Variants in ARHGAP26 observed in about 807,000 individuals in gnomAD.
ARHGAP26 encodes the protein Rho GTPase activating protein 26.
ARHGAP26 carries 38 observed loss-of-function variants against 104.8 expected under a neutral mutation model. That is an observed-to-expected ratio of 0.36 (90% CI 0.28 to 0.48). ARHGAP26 has a LOEUF of 0.48. Ranked by LOEUF, ARHGAP26 falls within the 20% of genes least tolerant of loss-of-function variation. The pLI is 0.99. For synonymous variants in ARHGAP26, 341 were observed against 340.0 expected (o/e 1.00, Z -0.03); for missense variants, 704 against 947.9 (o/e 0.74, Z 3.38).
Position 143,147,264 on chromosome 5 carries a change from T to A in ARHGAP26, c.1871T>A (p.Leu624Ter), listed in dbSNP as rs1799281439. The A allele has an allele frequency of 1.2e-6, 2 of 1,614,072 alleles. No individual in the cohort carries two copies. Among genetic ancestry groups the A allele is most frequent in the Non-Finnish European group, 1.7e-6 (2 of 1,179,960 alleles). Residue 624 changes from leucine (L) to a stop codon, truncating the protein, a stop_gained, in exon 20 of 23, where the codon TTG becomes TAG. Transcript: ENST00000645722. LOFTEE classifies it high-confidence loss of function. ...AGGAACAGCATCATCAACTCCAGTT[T>A]GGAATCTGTCTCATCAAATCCAAAC... ...EQRNSIINSS[L>*]ESVSSNPNSI... is the part of the protein sequence containing the mutation.
At chr5:143,163,781 C>T (rs182027578) in intron 20 of ARHGAP26, among the ~76,000 whole-genome samples, 468 of 152,178 alleles carry the variant, frequency 3.1e-3, no homozygotes, top group Middle Eastern at 6.8e-3. Flanking sequence ...CATCTTTTTT[C>T]TCTTGTTCTC....
intron 20 of ARHGAP26, among the ~76,000 whole-genome samples, chr5:143,174,748 G>A (rs1803247165): frequency 6.6e-6 from 1 of 152,132 alleles, no homozygotes; most frequent in Admixed American, 6.5e-5. Flanking sequence ...TCTATAAGCA[G>A]GCAACTTTTT....
At position 142,903,762 on chromosome 5, in the gene ARHGAP26, A is replaced by T. The variant is rs749086101; in HGVS notation, c.832+93A>T. On this transcript the variant is annotated intron_variant, in intron 8 of 22. Coordinates refer to ENST00000645722, the MANE Select transcript of ARHGAP26 (RefSeq NM_001135608.3). ...TTCAGCAGTGCCTACCTTACTGTAG[A>T]TACATGCTTGGATAACAAGAACAAT... is the stretch of plus-strand genomic sequence containing the variant. 11 of 1,315,480 alleles carry T rather than the reference A, an allele frequency of 8.4e-6. No individual in the cohort carries two copies. In the East Asian group the frequency reaches 2.8e-4, roughly 34 times the overall value. The allele number at this position is 1,315,480 out of a possible 1,614,324, so 81.5% of individuals were successfully genotyped here.
intron 12 of ARHGAP26, among the ~76,000 whole-genome samples, chr5:143,016,120 G>C (rs1779548222): frequency 6.6e-6 from 1 of 152,222 alleles, no homozygotes; most frequent in South Asian, 2.1e-4. Flanking sequence ...GAAAGAACCA[G>C]AGAGGGCTGG....
intron 1 of ARHGAP26, among the ~76,000 whole-genome samples, chr5:142,860,987 C>A (rs1753216250): frequency 6.6e-6 from 1 of 152,222 alleles, no homozygotes; most frequent in Non-Finnish European, 1.5e-5. Context: ...AGGGCTCTTG[C>A]AACACCTATT....
intron 1 of ARHGAP26, among the ~76,000 whole-genome samples, chr5:142,809,561 C>A (rs1013027858): frequency 5.3e-5 from 8 of 152,332 alleles, no homozygotes; most frequent in Admixed American, 2.0e-4. Flanking sequence ...AAAAGTCCTG[C>A]AGTTAATCCA....
At chr5:143,187,165 G>C (rs1805276516) in intron 20 of ARHGAP26, among the ~76,000 whole-genome samples, 3 of 152,092 alleles carry the variant, frequency 2.0e-5, no homozygotes, top group Admixed American at 6.6e-5. Context: ...AGAAAATGAG[G>C]GACACAGAGG....
chr5:143,008,378 C>T (rs1778275299), intron 11 of ARHGAP26, among the ~76,000 whole-genome samples: 1 of 152,196 alleles, frequency 6.6e-6, no homozygotes, highest in East Asian at 1.9e-4. Flanking sequence ...TGTTTTGATT[C>T]TAGTGATGGT....
intron 14 of ARHGAP26, among the ~76,000 whole-genome samples, chr5:143,044,170 A>G (rs1783883843): frequency 6.6e-6 from 1 of 152,194 alleles, no homozygotes; most frequent in South Asian, 2.1e-4. Context: ...TGTCAAGAAG[A>G]CAATTCAGAA....
chr5:142,911,191 G>A (rs915725634), intron 9 of ARHGAP26, among the ~76,000 whole-genome samples: 3 of 152,116 alleles, frequency 2.0e-5, no homozygotes, highest in African/African-American at 7.2e-5. Flanking sequence ...GCCCAAAACC[G>A]ATCCTATCCC....
At chr5:142,913,808 G>A (rs917724132) in intron 10 of ARHGAP26, among the ~76,000 whole-genome samples, 1 of 152,154 alleles carries the variant, frequency 6.6e-6, no homozygotes, top group Admixed American at 6.5e-5. Flanking sequence ...CAAACCACTC[G>A]TGAAATCACA....
Position 142,923,857 on chromosome 5 carries a change from CTTTTTTTT to C in ARHGAP26, c.1029-8175_1029-8168del, listed in dbSNP as rs11389284. On this transcript the variant is annotated intron_variant, in intron 10 of 22. Coordinates refer to ENST00000645722, the MANE Select transcript of ARHGAP26 (RefSeq NM_001135608.3). The stretch of plus-strand genomic sequence containing the variant: ...TTCATTCATTTATTAGGATCAGATC[CTTTTTTTT>C]TTTTTTTTTTTTTTGATACGGAGTC... Among the ~76,000 whole-genome samples the C allele has an allele frequency of 2.8e-5, 3 of 105,870 alleles. No homozygotes were observed. In the East Asian group the frequency reaches 9.1e-4, roughly 32 times the overall value. 69.5% of individuals were successfully genotyped at this position (105,870 alleles called of 152,430 possible).
chr5:142,822,003 A>G (rs866684710), intron 1 of ARHGAP26, among the ~76,000 whole-genome samples: 1 of 152,226 alleles, frequency 6.6e-6, no homozygotes, highest in Admixed American at 6.5e-5. Context: ...GAGATGACAA[A>G]CTATTAACCT....
intron 1 of ARHGAP26, among the ~76,000 whole-genome samples, chr5:142,774,004 TAA>T (rs1449974561): frequency 2.0e-5 from 3 of 152,238 alleles, no homozygotes; most frequent in Non-Finnish European, 4.4e-5. Context: ...TTGAATGGCA[TAA>T]ACTCTCAAAG....
At chr5:142,949,241 G>C (rs1409156964) in intron 11 of ARHGAP26, among the ~76,000 whole-genome samples, 1 of 129,966 alleles carries the variant, frequency 7.7e-6, no homozygotes, top group African/African-American at 2.9e-5. Flanking sequence ...AGGAGAGAGA[G>C]AGAGAGAGAG....
intron 20 of ARHGAP26, among the ~76,000 whole-genome samples, chr5:143,185,225 T>C (rs1284388461): frequency 6.6e-6 from 1 of 152,196 alleles, no homozygotes; most frequent in African/African-American, 2.4e-5. Context: ...ATGCACAAGA[T>C]GAAATATGTA....
chr5:142,966,700 A>C (rs992971677), intron 11 of ARHGAP26, among the ~76,000 whole-genome samples: 9 of 152,222 alleles, frequency 5.9e-5, no homozygotes, highest in Non-Finnish European at 7.3e-5. Context: ...ATACAGGAAA[A>C]TCGTTCATTA....
At chr5:143,083,626 G>A (rs1168646587) in intron 17 of ARHGAP26, among the ~76,000 whole-genome samples, 1 of 152,098 alleles carries the variant, frequency 6.6e-6, no homozygotes, top group African/African-American at 2.4e-5. Flanking sequence ...AGCCTTCCAA[G>A]TAGCTGTGAT....
intron 1 of ARHGAP26, among the ~76,000 whole-genome samples, chr5:142,837,095 C>T (rs1245194220): frequency 6.6e-6 from 1 of 152,238 alleles, no homozygotes; most frequent in African/African-American, 2.4e-5. Context: ...CTTCTGTAGT[C>T]AGTACTCTTT....
Sources: gnomAD v4.1 joint callset for allele counts (sites outside exome capture counted in the v4.1 genomes callset) on GRCh38, gnomAD v4.1.1 for gene constraint, MANE v1.5 for transcripts, NCBI Gene and HGNC (gene_info 2026-07-23, HGNC 2026-07-21) for gene names.